The following HLCS variants were observed in gnomAD, a reference collection of about 807,000 sequenced individuals.
HLCS encodes the protein biotin--protein ligase.
HLCS carries 53 observed loss-of-function variants against 75.0 expected under a neutral mutation model. That is an observed-to-expected ratio of 0.71 (90% confidence interval 0.57 to 0.89). The LOEUF (loss-of-function observed/expected upper bound fraction) is 0.89, where lower values mean the gene tolerates loss of function less well. Among genes scored for constraint, HLCS ranks in the 40% least tolerant of loss-of-function variants. The pLI is 0.00. For synonymous variants in HLCS, 431 were observed against 428.6 expected (o/e 1.01, Z -0.07); for missense variants, 966 against 1,074.0 (o/e 0.90, Z 1.41).
chr21:36,858,079 C>T (rs145241014), intron 6 of HLCS, among the ~76,000 whole-genome samples: 2,115 of 152,200 alleles, frequency 0.014, 54 homozygotes, highest in African/African-American at 0.048. Flanking sequence ...TGAGCCACTG[C>T]GCCTGGCCAG....
chr21:36,812,713 TAG>T (rs1326274239), intron 6 of HLCS, among the ~76,000 whole-genome samples: 6 of 151,886 alleles, frequency 4.0e-5, no homozygotes, highest in African/African-American at 1.5e-4. Context: ...ACAGAAAAAA[TAG>T]AGGAAAAAAA....
intron 1 of HLCS, among the ~76,000 whole-genome samples, chr21:36,965,333 A>T (rs2068510364): frequency 6.6e-6 from 1 of 152,252 alleles, no homozygotes; most frequent in African/African-American, 2.4e-5. Context: ...ACACGTTTAA[A>T]TATTAATGAG....
At chr21:36,963,372 T>C (rs1400190424) in intron 1 of HLCS, among the ~76,000 whole-genome samples, 1 of 152,176 alleles carries the variant, frequency 6.6e-6, no homozygotes, top group Non-Finnish European at 1.5e-5. Flanking sequence ...CAAATCTGCT[T>C]GATAAAAACC....
chr21:36,771,996 C>CG (rs769136081), intron 6 of HLCS, among the ~76,000 whole-genome samples: 1 of 107,388 alleles, frequency 9.3e-6, no homozygotes, highest in Non-Finnish European at 2.0e-5. Flanking sequence ...GACTCCAACT[C>CG]AAAAAAAAAA....
intron 6 of HLCS, among the ~76,000 whole-genome samples, chr21:36,821,376 C>G (rs997408942): frequency 1.3e-5 from 2 of 152,132 alleles, no homozygotes; most frequent in African/African-American, 4.8e-5. Context: ...TTTATTGAAC[C>G]ACTGCCAAGA....
intron 1 of HLCS, among the ~76,000 whole-genome samples, chr21:36,977,424 G>A (rs2068969481): frequency 6.6e-6 from 1 of 152,142 alleles, no homozygotes; most frequent in Non-Finnish European, 1.5e-5. Flanking sequence ...GCAAATGGGG[G>A]AGCCCCACTC....
intron 6 of HLCS, among the ~76,000 whole-genome samples, chr21:36,835,841 G>A (rs1236463081): frequency 6.6e-6 from 1 of 152,038 alleles, no homozygotes; most frequent in African/African-American, 2.4e-5. Flanking sequence ...ATTCCTTCGG[G>A]CATGTCAGAG....
chr21:36,894,521 A>T (rs1423886969), intron 6 of HLCS, among the ~76,000 whole-genome samples: 1 of 152,190 alleles, frequency 6.6e-6, no homozygotes, highest in Non-Finnish European at 1.5e-5. Context: ...TCACTGACTC[A>T]GTAGGTTTCT....
At chr21:36,864,546 C>T (rs2063492191) in intron 6 of HLCS, among the ~76,000 whole-genome samples, 1 of 152,142 alleles carries the variant, frequency 6.6e-6, no homozygotes, top group South Asian at 2.1e-4. Flanking sequence ...TAAAAATACA[C>T]ATCAAAAAAT....
chr21:36,833,498 T>C (rs2062288687), intron 6 of HLCS, among the ~76,000 whole-genome samples: 1 of 151,346 alleles, frequency 6.6e-6, no homozygotes, highest in South Asian at 2.1e-4. Context: ...AGCAGGAGAA[T>C]TGCTTGAACC....
chr21:36,887,449 A>C (rs1403129473), intron 6 of HLCS, among the ~76,000 whole-genome samples: 1 of 152,224 alleles, frequency 6.6e-6, no homozygotes, highest in African/African-American at 2.4e-5. Flanking sequence ...GAAAATAAAC[A>C]ACCAAGAACA....
intron 6 of HLCS, among the ~76,000 whole-genome samples, chr21:36,818,187 C>T (rs1360120526): frequency 6.6e-6 from 1 of 152,136 alleles, no homozygotes; most frequent in Non-Finnish European, 1.5e-5. Context: ...GTGAGGGGGG[C>T]GGCCAGAAGG....
intron 5 of HLCS, 87 bp downstream of exon 5, chr21:36,930,164 C>T (rs1446138453): frequency 8.2e-7 from 1 of 1,221,520 alleles, no homozygotes; most frequent in Non-Finnish European, 1.2e-6. Context: ...TCAAAACCAA[C>T]CAAAATAAAA....
chr21:36,962,251 C>A (rs1569255540), intron 1 of HLCS, 81 bp from the exon 2 acceptor site: 3 of 939,962 alleles, frequency 3.2e-6, no homozygotes, highest in East Asian at 6.2e-5. Context: ...CTGAAACATA[C>A]CCTCCCCTAT....
chr21:36,864,291 T>C (rs1446181086), intron 6 of HLCS, among the ~76,000 whole-genome samples: 2 of 152,136 alleles, frequency 1.3e-5, no homozygotes, highest in African/African-American at 4.8e-5. Context: ...TTCCAGCTAC[T>C]TGGGAGGCTG....
rs950367968 is a variant in HLCS at position 36,750,215 on chromosome 21, T to C, written c.*4031A>G. On this transcript the variant is annotated 3_prime_UTR_variant, in exon 11 of 11. Coordinates refer to ENST00000674895, the MANE Select transcript of HLCS (RefSeq NM_001352514.2). ...AAGCATTTTAATACATATGCCTCTC[T>C]TTTACAAAAAAGAAAAAAAAATCAT... Among the ~76,000 whole-genome samples the C allele has an allele frequency of 3.3e-5, 5 of 152,152 alleles. No homozygotes were observed. Among genetic ancestry groups the C allele is most frequent in the African/African-American group, 4.8e-5 (2 of 41,424 alleles).
chr21:36,775,955 TG>T lies in HLCS; in HGVS notation c.1893-8671del, dbSNP rs1224543977. On this transcript the variant is annotated intron_variant, in intron 6 of 10. Coordinates refer to ENST00000674895, the MANE Select transcript of HLCS (RefSeq NM_001352514.2). ...TGCTATGAGTGGCATTTTAGGTTCG[TG>T]ATCTCATCCAAGCCTTCCAAAGCTG... is the stretch of plus-strand genomic sequence containing the variant. Among the ~76,000 whole-genome samples the T allele has an allele frequency of 4.6e-5, 7 of 152,326 alleles. No homozygotes were observed. The East Asian group carries it at 1.3e-3, about 29-fold the overall frequency.
chr21:36,912,747 T>C (rs980569074), intron 5 of HLCS, among the ~76,000 whole-genome samples: 6 of 152,218 alleles, frequency 3.9e-5, no homozygotes, highest in East Asian at 3.9e-4. Flanking sequence ...CTGTCCTCTA[T>C]GCAATTAGCC....
chr21:36,879,359 T>G (rs995435918), intron 6 of HLCS, among the ~76,000 whole-genome samples: 1 of 152,320 alleles, frequency 6.6e-6, no homozygotes, highest in Admixed American at 6.5e-5. Flanking sequence ...CAAGAATGCA[T>G]TCACAGAAGA....
Sources: gnomAD v4.1 joint callset for allele counts (sites outside exome capture counted in the v4.1 genomes callset) on GRCh38, gnomAD v4.1.1 for gene constraint, MANE v1.5 for transcripts, NCBI Gene and HGNC (gene_info 2026-07-23, HGNC 2026-07-21) for gene names.